The following MYO3A variants were observed in gnomAD, a reference collection of about 807,000 sequenced individuals.
The protein encoded by MYO3A is myosin IIIA, also known as myosin-IIIa.
MYO3A carries 180 observed loss-of-function variants against 192.7 expected under a neutral mutation model. The ratio of observed to expected loss-of-function variants is 0.93; its 90% CI spans 0.83 to 1.06. The LOEUF is 1.06. Among genes scored for constraint, MYO3A ranks in the 50% least tolerant of loss-of-function variants. MYO3A has a pLI of 0.00. For synonymous variants in MYO3A, 628 were observed against 645.3 expected, an observed-to-expected ratio of 0.97 and a Z score of 0.41; for missense variants, 1,896 against 1,905.0, an observed-to-expected ratio of 1.00 and a Z score of 0.09.
At chr10:26,125,745 G>A in intron 19 of MYO3A, 137 bp downstream of exon 19, 1 of 816,864 alleles carries the variant, frequency 1.2e-6, no homozygotes, top group Non-Finnish European at 1.9e-6. Context: ...TGATAATTTA[G>A]TAGATAAGCT....
chr10:26,058,376 C>A (rs1360064226), intron 10 of MYO3A, among the ~76,000 whole-genome samples: 3 of 152,068 alleles, frequency 2.0e-5, no homozygotes, highest in African/African-American at 7.2e-5. Context: ...AATGTATTTA[C>A]CTATTTCTTC....
At chr10:26,139,458 T>G (rs1343691416) in intron 20 of MYO3A, among the ~76,000 whole-genome samples, 1 of 152,086 alleles carries the variant, frequency 6.6e-6, no homozygotes, top group Non-Finnish European at 1.5e-5. Context: ...AGGCTGGTCT[T>G]GAACTCCTGA....
intron 14 of MYO3A, among the ~76,000 whole-genome samples, chr10:26,074,997 A>G (rs1218183577): frequency 6.6e-6 from 1 of 152,066 alleles, no homozygotes; most frequent in East Asian, 1.9e-4. Context: ...TTGAAAAACT[A>G]TCCTTTCTTT....
In MYO3A at chr10:26,075,715, CAT is replaced by C. The variant is rs370934317; in HGVS notation, c.1359+5323_1359+5324del. ...ATATATGATATATATATGTCTCTCT[CAT>C]ATATATATGATATATATGTCTCTCA... On this transcript the variant is annotated intron_variant, in intron 14 of 34. Transcript: ENST00000642920. Among the ~76,000 whole-genome samples the C allele has an allele frequency of 2.4e-3, 345 of 143,428 alleles. 2 individuals are homozygous for C. In the South Asian group the frequency reaches 0.04, roughly 17 times the overall value. The allele number at this position is 143,428 out of a possible 152,430, so 94.1% of individuals were successfully genotyped here. A position where few individuals can be genotyped will look rare whatever the true frequency, so the allele number is the denominator to read the frequency against.
At chr10:26,018,759 A>G (rs1391958197) in intron 7 of MYO3A, among the ~76,000 whole-genome samples, 1 of 152,190 alleles carries the variant, frequency 6.6e-6, no homozygotes, top group Non-Finnish European at 1.5e-5. Context: ...TTAAACAAGA[A>G]TGTCTAAGGC....
intron 32 of MYO3A, among the ~76,000 whole-genome samples, chr10:26,195,613 A>C (rs1843370885): frequency 6.6e-6 from 1 of 151,514 alleles, no homozygotes; most frequent in East Asian, 1.9e-4. Flanking sequence ...CAAACTCTCC[A>C]CTCCAGCCCT....
intron 10 of MYO3A, among the ~76,000 whole-genome samples, chr10:26,057,058 T>C (rs1834153204): frequency 6.6e-5 from 10 of 152,088 alleles, no homozygotes; most frequent in Admixed American, 6.5e-4. Flanking sequence ...TAGAATGAAA[T>C]CTAAAGAGGG....
chr10:26,109,493 C>G (rs1245079329), intron 17 of MYO3A, among the ~76,000 whole-genome samples: 1 of 152,162 alleles, frequency 6.6e-6, no homozygotes, highest in African/African-American at 2.4e-5. Flanking sequence ...GCTACCTGCC[C>G]CTTAGCCAAT....
At chr10:25,999,926 A>G (rs781223885) in intron 6 of MYO3A, among the ~76,000 whole-genome samples, 10 of 152,126 alleles carry the variant, frequency 6.6e-5, no homozygotes, top group Non-Finnish European at 1.2e-4. Context: ...GCCAAATTCC[A>G]TCTTTACTGC....
Position 26,066,987 on chromosome 10 carries a change from T to C in MYO3A, c.966T>C (p.Ile322=), listed in dbSNP as rs765877366. Residue 322 remains isoleucine (I), a synonymous_variant, in exon 11 of 35, where the codon ATT becomes ATC. Coordinates refer to ENST00000642920, the MANE Select transcript of MYO3A (RefSeq NM_017433.5). The part of the protein sequence containing the change: ...GGTEKARRER[I]HTKKGNFNRP... ...TTTTTCTCCACAGACGTGAACGTATTCACACGAAGAAAGGGAACTTCAACC... is the reference window on the plus strand; with the variant it reads ...TTTTTCTCCACAGACGTGAACGTATCCACACGAAGAAAGGGAACTTCAACC... 2.7e-5 allele frequency: 43 copies of C among 1,610,426 alleles called. No individual in the cohort carries two copies. Among genetic ancestry groups the C allele is most frequent in the Non-Finnish European group, 3.0e-5 (35 of 1,176,770 alleles).
At chr10:25,943,034 A>G (rs117690099) in intron 2 of MYO3A, among the ~76,000 whole-genome samples, 9,617 of 151,768 alleles carry the variant, frequency 0.063, 398 homozygotes, top group Non-Finnish European at 0.094. Flanking sequence ...CATTTTCATG[A>G]AGCTTTTCCC....
chr10:26,175,464 A>G (rs1842278820), intron 30 of MYO3A, among the ~76,000 whole-genome samples: 1 of 152,226 alleles, frequency 6.6e-6, no homozygotes, highest in South Asian at 2.1e-4. Flanking sequence ...TAATAAAAGA[A>G]ATATCATAAT....
At chr10:26,203,969 A>G (rs757332696) in intron 34 of MYO3A, 1 of 152,226 alleles carries the variant, frequency 6.6e-6, no homozygotes. Flanking sequence ...GAATTTACTA[A>G]TAACTGCCTC....
At chr10:26,067,737 C>T (rs1392320207) in intron 11 of MYO3A, among the ~76,000 whole-genome samples, 1 of 152,178 alleles carries the variant, frequency 6.6e-6, no homozygotes, top group African/African-American at 2.4e-5. Context: ...CCTACTTTCC[C>T]CTCACCCTTC....
At chr10:25,992,255 T>C (rs1470942202) in intron 4 of MYO3A, among the ~76,000 whole-genome samples, 1 of 152,214 alleles carries the variant, frequency 6.6e-6, no homozygotes, top group Admixed American at 6.5e-5. Context: ...GATTCCTAGA[T>C]ATTTTATTCT....
intron 25 of MYO3A, among the ~76,000 whole-genome samples, chr10:26,156,827 G>A (rs1413950095): frequency 6.6e-6 from 1 of 152,110 alleles, no homozygotes; most frequent in Non-Finnish European, 1.5e-5. Context: ...TATGTTTCCT[G>A]ATCGTCTCCC....
chr10:26,024,143 A>G, intron 9 of MYO3A, 56 bp downstream of exon 9: 2 of 1,459,412 alleles, frequency 1.4e-6, no homozygotes, highest in Non-Finnish European at 1.9e-6. Context: ...CTATAACTAA[A>G]TCTCCTCCTA....
At chr10:26,170,592 G>C in intron 29 of MYO3A, 53 bp downstream of exon 29, 1 of 1,552,390 alleles carries the variant, frequency 6.4e-7, no homozygotes, top group Non-Finnish European at 8.8e-7. Flanking sequence ...TTTCAGATCT[G>C]TAAGGTCATA....
chr10:26,147,306 T>C, intron 22 of MYO3A, 124 bp from the exon 23 acceptor site: 1 of 996,788 alleles, frequency 1.0e-6, no homozygotes, highest in Non-Finnish European at 1.6e-6. Flanking sequence ...TAAATGCTTG[T>C]ATCACTGTTG....
Sources: gnomAD v4.1 joint callset for allele counts (sites outside exome capture counted in the v4.1 genomes callset) on GRCh38, gnomAD v4.1.1 for gene constraint, MANE v1.5 for transcripts, NCBI Gene and HGNC (gene_info 2026-07-23, HGNC 2026-07-21) for gene names.